Variants in KCNIP4 observed in about 807,000 individuals in gnomAD.
KCNIP4 encodes the protein Kv channel-interacting protein 4.
A neutral mutation model predicts 34.0 loss-of-function variants in KCNIP4; 12 were observed. The observed-to-expected ratio is 0.35, with a 90% CI of 0.23 to 0.57. KCNIP4 has a LOEUF of 0.57. Among genes scored for constraint, KCNIP4 ranks in the 20% least tolerant of loss-of-function variants. KCNIP4 has a pLI of 0.83. For missense variants in KCNIP4, 238 were observed against 311.7 expected (o/e 0.76, Z 1.78); for synonymous variants, 124 against 102.2 (o/e 1.21, Z -1.29).
chr4:21,429,882 T>C lies in KCNIP4; in HGVS notation c.61+518689A>G, dbSNP rs1016682864. 5.3e-5 allele frequency among the ~76,000 whole-genome samples: 8 copies of C among 152,182 alleles called. No individual in the cohort carries two copies. The East Asian group carries it at 1.3e-3, about 26-fold the overall frequency. The stretch of plus-strand genomic sequence containing the variant: ...TTTCTTTCAATACAACTGTGTCCAA[T>C]GTAACATTAATTAAGCATTTTTAAT... On this transcript the variant is annotated intron_variant, in intron 1 of 8. Transcript: ENST00000382152.
chr4:20,736,607 A>G (rs1578436438), intron 5 of KCNIP4, among the ~76,000 whole-genome samples: 1 of 152,166 alleles, frequency 6.6e-6, no homozygotes, highest in East Asian at 1.9e-4. Context: ...GGCCTAATAT[A>G]TATAGAACAG....
chr4:21,540,285 G>A (rs1237425604), intron 1 of KCNIP4, among the ~76,000 whole-genome samples: 2 of 152,100 alleles, frequency 1.3e-5, no homozygotes, highest in African/African-American at 4.8e-5. Flanking sequence ...TTTAAAAGAA[G>A]AAGTTCTACA....
chr4:21,941,140 G>A (rs1037208457), intron 1 of KCNIP4, among the ~76,000 whole-genome samples: 1 of 152,020 alleles, frequency 6.6e-6, no homozygotes, highest in Non-Finnish European at 1.5e-5. Context: ...ATGTAGATCG[G>A]TTTAAGAGCT....
intron 1 of KCNIP4, among the ~76,000 whole-genome samples, chr4:21,717,039 C>T (rs1479087625): frequency 6.6e-6 from 1 of 152,170 alleles, no homozygotes; most frequent in East Asian, 1.9e-4. Context: ...GGGATGCCTG[C>T]AAATCTCACC....
intron 1 of KCNIP4, among the ~76,000 whole-genome samples, chr4:21,797,294 C>T (rs1208868106): frequency 6.6e-6 from 1 of 152,130 alleles, no homozygotes; most frequent in African/African-American, 2.4e-5. Context: ...GTTTGTGCCA[C>T]TGTGCCCAAG....
rs576363966 is a variant in KCNIP4 at position 21,652,097 on chromosome 4, C to T, written c.61+296474G>A. Among the ~76,000 whole-genome samples, 8 of 152,234 alleles carry T rather than the reference C, an allele frequency of 5.3e-5. 1 individual carries two copies. The South Asian group carries it at 1.7e-3, about 32-fold the overall frequency. ...ACACTTCTATATTTATTTATTTGCT[C>T]ATCCATCTAATCTTCTGGATGGTAA... is the stretch of plus-strand genomic sequence containing the variant. On this transcript the variant is annotated intron_variant, in intron 1 of 8. Coordinates refer to ENST00000382152, the MANE Select transcript of KCNIP4 (RefSeq NM_025221.6).
At chr4:20,830,789 A>G (rs778250181) in intron 3 of KCNIP4, among the ~76,000 whole-genome samples, 1 of 152,214 alleles carries the variant, frequency 6.6e-6, no homozygotes, top group Non-Finnish European at 1.5e-5. Context: ...TTGAAGTTAC[A>G]TCTTCGGCAG....
intron 3 of KCNIP4, among the ~76,000 whole-genome samples, chr4:20,776,841 A>C (rs1296511312): frequency 6.6e-6 from 1 of 152,228 alleles, no homozygotes; most frequent in African/African-American, 2.4e-5. Context: ...CACAGTTATT[A>C]CATGTATAAC....
chr4:21,753,242 A>T (rs181547684), intron 1 of KCNIP4, among the ~76,000 whole-genome samples: 3 of 152,286 alleles, frequency 2.0e-5, no homozygotes, highest in Admixed American at 2.0e-4. Context: ...GAGAAAAAAA[A>T]TGTTCACTAA....
chr4:21,937,753 T>G (rs1364970988), intron 1 of KCNIP4, among the ~76,000 whole-genome samples: 1 of 152,084 alleles, frequency 6.6e-6, no homozygotes, highest in African/African-American at 2.4e-5. Flanking sequence ...TGCTCTTGTC[T>G]TCTATTTGTC....
At chr4:20,822,220 A>C (rs566167655) in intron 3 of KCNIP4, among the ~76,000 whole-genome samples, 6 of 152,292 alleles carry the variant, frequency 3.9e-5, no homozygotes, top group Non-Finnish European at 5.9e-5. Flanking sequence ...AATCAGCAAG[A>C]AAAAAACAAA....
intron 3 of KCNIP4, among the ~76,000 whole-genome samples, chr4:20,844,643 T>C (rs1720149542): frequency 6.6e-6 from 1 of 152,198 alleles, no homozygotes; most frequent in Non-Finnish European, 1.5e-5. Context: ...CTGTTTCCCA[T>C]GCAAAGTTTA....
chr4:21,126,385 A>G (rs1750613254), intron 1 of KCNIP4, among the ~76,000 whole-genome samples: 1 of 152,112 alleles, frequency 6.6e-6, no homozygotes, highest in Non-Finnish European at 1.5e-5. Context: ...AATCCTGGTG[A>G]TTTCTTTTGG....
At chr4:21,240,559 C>T (rs896432761) in intron 1 of KCNIP4, among the ~76,000 whole-genome samples, 1 of 152,076 alleles carries the variant, frequency 6.6e-6, no homozygotes, top group African/African-American at 2.4e-5. Flanking sequence ...GCAATTTTCC[C>T]ATCCCCTTTA....
At chr4:21,894,211 C>T (rs1727256892) in intron 1 of KCNIP4, among the ~76,000 whole-genome samples, 1 of 151,938 alleles carries the variant, frequency 6.6e-6, no homozygotes, top group African/African-American at 2.4e-5. Flanking sequence ...TGGCACGTGC[C>T]TGTAGTCCAA....
intron 1 of KCNIP4, among the ~76,000 whole-genome samples, chr4:21,434,521 T>A (rs1187288747): frequency 2.0e-5 from 3 of 152,086 alleles, no homozygotes; most frequent in Middle Eastern, 3.2e-3. Context: ...CCAGGACCAC[T>A]CTGTGGCCTG....
chr4:20,850,447 G>T, intron 3 of KCNIP4, 96 bp downstream of exon 3: 1 of 1,243,986 alleles, frequency 8.0e-7, no homozygotes, highest in Non-Finnish European at 1.1e-6. Flanking sequence ...ATATGATGGG[G>T]CTCTCATAGA....
At chr4:21,657,858 T>TTTA (rs1748098244) in intron 1 of KCNIP4, among the ~76,000 whole-genome samples, 1 of 128,538 alleles carries the variant, frequency 7.8e-6, no homozygotes, top group African/African-American at 3.0e-5. Context: ...TTTTTTTTTT[T>TTTA]GAGACGGAGT....
intron 1 of KCNIP4, among the ~76,000 whole-genome samples, chr4:21,078,686 A>G (rs1745729409): frequency 6.6e-6 from 1 of 152,072 alleles, no homozygotes; most frequent in South Asian, 2.1e-4. Context: ...GAGTTAACTA[A>G]TTTGAGGAGA....
Sources: gnomAD v4.1 joint callset for allele counts (sites outside exome capture counted in the v4.1 genomes callset) on GRCh38, gnomAD v4.1.1 for gene constraint, MANE v1.5 for transcripts, NCBI Gene and HGNC (gene_info 2026-07-23, HGNC 2026-07-21) for gene names.